The following ALG5 variants were observed in gnomAD, a reference collection of about 807,000 sequenced individuals.
ALG5 encodes dolichyl-phosphate beta-glucosyltransferase.
A neutral mutation model predicts 51.8 loss-of-function variants in ALG5; 26 were observed. That is an observed-to-expected ratio of 0.50 (90% CI 0.37 to 0.70). The LOEUF is 0.70. Among genes scored for constraint, ALG5 ranks in the 30% least tolerant of loss-of-function variants. The pLI, the probability that ALG5 is intolerant of heterozygous loss-of-function variation, is 0.00. For missense variants in ALG5, 311 were observed against 399.3 expected, an observed-to-expected ratio of 0.78 and a Z score of 1.88; for synonymous variants, 141 against 136.1, an observed-to-expected ratio of 1.04 and a Z score of -0.25.
At chr13:36,987,515 G>A (rs2059007381) in intron 5 of ALG5, among the ~76,000 whole-genome samples, 1 of 152,134 alleles carries the variant, frequency 6.6e-6, no homozygotes, top group Non-Finnish European at 1.5e-5. Context: ...CACCGTGCCC[G>A]CTAACTTGCT....
chr13:36,977,859 G>A (rs1593674516), intron 6 of ALG5, among the ~76,000 whole-genome samples: 1 of 117,010 alleles, frequency 8.5e-6, no homozygotes. Flanking sequence ...CTTCTAGCAA[G>A]AAATGCTAAA....
chr13:36,976,425 C>CAAAAAAAAA (rs57192095), intron 6 of ALG5, among the ~76,000 whole-genome samples: 4 of 36,610 alleles, frequency 1.1e-4, no homozygotes, highest in African/African-American at 1.4e-4. Context: ...GACTCTGTCT[C>CAAAAAAAAA]AAAAAAAAAA....
In ALG5 at chr13:36,995,730, G is replaced by A. The variant is rs2059046606; in HGVS notation, c.67-134C>T. The A allele has an allele frequency of 4.9e-6, 4 of 824,714 alleles. No homozygotes were observed. The Admixed American group carries it at 9.7e-5, about 20-fold the overall frequency. 51.1% of individuals were successfully genotyped at this position (824,714 alleles called of 1,614,324 possible). On this transcript the variant is annotated intron_variant, in intron 1 of 9. Transcript: ENST00000239891. ...TCTCAGGTTTTAGTTCATTAACAAT[G>A]GTCTAGAGGTGACTCCAAAATTAGA...
At chr13:36,969,439 A>G (rs2058910912) in intron 7 of ALG5, among the ~76,000 whole-genome samples, 1 of 151,712 alleles carries the variant, frequency 6.6e-6, no homozygotes, top group African/African-American at 2.4e-5. Flanking sequence ...AAAGAAAGAA[A>G]AAAAGTACTT....
At chr13:36,994,187 A>G (rs1037300126) in intron 3 of ALG5, among the ~76,000 whole-genome samples, 6 of 152,226 alleles carry the variant, frequency 3.9e-5, no homozygotes, top group African/African-American at 1.4e-4. Flanking sequence ...CATACATATT[A>G]AAGGCTCAAT....
chr13:36,974,308 T>C (rs1275418376), intron 6 of ALG5, among the ~76,000 whole-genome samples: 2 of 152,196 alleles, frequency 1.3e-5, no homozygotes, highest in Non-Finnish European at 1.5e-5. Context: ...ACTGTATATC[T>C]TTCTTATACC....
chr13:36,967,687 G>C, intron 7 of ALG5: 1 of 522,824 alleles, frequency 1.9e-6, no homozygotes, highest in Non-Finnish European at 3.4e-6. Context: ...TAAGTAGATA[G>C]GGCAGAAACC....
chr13:36,991,065 A>T (rs2138826128), intron 4 of ALG5, among the ~76,000 whole-genome samples: 1 of 152,344 alleles, frequency 6.6e-6, no homozygotes, highest in African/African-American at 2.4e-5. Context: ...ATAGCATAGG[A>T]GATCCTTTGT....
At chr13:36,997,499 AG>A (rs2059056930) in intron 1 of ALG5, among the ~76,000 whole-genome samples, 1 of 151,708 alleles carries the variant, frequency 6.6e-6, no homozygotes, top group Non-Finnish European at 1.5e-5. Flanking sequence ...GACAAGGAAA[AG>A]AAAAAAAGGG....
At chr13:36,966,983 G>C (rs1002986883) in intron 7 of ALG5, among the ~76,000 whole-genome samples, 2 of 152,076 alleles carry the variant, frequency 1.3e-5, no homozygotes, top group Non-Finnish European at 2.9e-5. Context: ...AGCACTCTGG[G>C]AGGCCGAGGC....
chr13:36,977,885 CTCAG>C (rs1434952134), intron 6 of ALG5, among the ~76,000 whole-genome samples: 1 of 126,244 alleles, frequency 7.9e-6, no homozygotes, highest in Non-Finnish European at 1.6e-5. Context: ...CAAAATCTTT[CTCAG>C]TATTTTTTTT....
rs138457128 is a variant in ALG5, at chr13:36,987,041, T to C, written c.448-1301A>G. On this transcript the variant is annotated intron_variant, in intron 5 of 9. Coordinates refer to ENST00000239891, the MANE Select transcript of ALG5 (RefSeq NM_013338.5). ...CATATTTTATACCCATTATTTCTCATGTGCCTCACTGCCTTAAGATTTCCT... is the reference window on the plus strand; with the variant it reads ...CATATTTTATACCCATTATTTCTCACGTGCCTCACTGCCTTAAGATTTCCT... Among the ~76,000 whole-genome samples the C allele has an allele frequency of 2.3e-3, 349 of 152,352 alleles. 2 individuals carry two copies. Among genetic ancestry groups the C allele is most frequent in the African/African-American group, 7.9e-3 (330 of 41,578 alleles).
intron 8 of ALG5, among the ~76,000 whole-genome samples, chr13:36,961,275 C>T (rs185156701): frequency 4.1e-4 from 63 of 151,846 alleles, no homozygotes; most frequent in Admixed American, 2.4e-3. Context: ...ATTAGCTGGG[C>T]GTGATGGCAT....
At chr13:36,993,409 C>T (rs1386781334) in intron 4 of ALG5, among the ~76,000 whole-genome samples, 195 bp downstream of exon 4, 2 of 152,186 alleles carry the variant, frequency 1.3e-5, no homozygotes, top group Non-Finnish European at 2.9e-5. Flanking sequence ...CCCTATCTGG[C>T]GATCTTCAAA....
At chr13:36,965,531 C>A in intron 8 of ALG5, 44 bp downstream of exon 8, 1 of 1,561,530 alleles carries the variant, frequency 6.4e-7, no homozygotes, top group East Asian at 2.3e-5. Flanking sequence ...TAGAAGATGG[C>A]TGGGTCATAA....
chr13:36,979,815 G>C (rs9603124), intron 6 of ALG5, among the ~76,000 whole-genome samples: 6,673 of 152,266 alleles, frequency 0.044, 249 homozygotes, highest in African/African-American at 0.1. Flanking sequence ...TGGGGGCCAA[G>C]GAGGGCTGAC....
At chr13:36,989,041 C>CT (rs2059014266) in intron 5 of ALG5, among the ~76,000 whole-genome samples, 2 of 152,236 alleles carry the variant, frequency 1.3e-5, no homozygotes, top group Non-Finnish European at 2.9e-5. Flanking sequence ...TTATAATCTT[C>CT]TTTTTTACTT....
At chr13:36,970,414 C>T (rs2058916808) in intron 7 of ALG5, among the ~76,000 whole-genome samples, 1 of 149,166 alleles carries the variant, frequency 6.7e-6, no homozygotes, top group South Asian at 2.1e-4. Context: ...GAGTTCGAGA[C>T]CAAATGGTGA....
At chr13:36,967,837 G>A in intron 7 of ALG5, 2 of 1,195,094 alleles carry the variant, frequency 1.7e-6, no homozygotes, top group Non-Finnish European at 2.2e-6. Flanking sequence ...GAAATTGAAA[G>A]ATAGAAAAAT....
Sources: gnomAD v4.1 joint callset for allele counts (sites outside exome capture counted in the v4.1 genomes callset) on GRCh38, gnomAD v4.1.1 for gene constraint, MANE v1.5 for transcripts, NCBI Gene and HGNC (gene_info 2026-07-23, HGNC 2026-07-21) for gene names.